The following CFAP210 variants were observed in gnomAD, a reference collection of about 807,000 sequenced individuals.
CFAP210 encodes the protein cilia- and flagella- associated protein 210.
the CFAP210 span, among the ~76,000 whole-genome samples, chr2:169,653,248 A>G: frequency 1.3e-5 from 2 of 151,378 alleles, no homozygotes; most frequent in Non-Finnish European, 2.9e-5. Context: ...TTAAGAAAGC[A>G]AGTTACGTGC....
the CFAP210 span, among the ~76,000 whole-genome samples, chr2:169,692,199 T>A: frequency 1.3e-5 from 2 of 152,154 alleles, no homozygotes; most frequent in Non-Finnish European, 2.9e-5. Flanking sequence ...CTGATCCTTT[T>A]AAGATTTTCG....
At chr2:169,651,084 G>GGGCGTGGTGGCAGGCGCCTGTT in the CFAP210 span, among the ~76,000 whole-genome samples, 1 of 151,654 alleles carries the variant, frequency 6.6e-6, no homozygotes, top group African/African-American at 2.4e-5. Flanking sequence ...AAAATTAGCC[G>GGGCGTGGTGGCAGGCGCCTGTT]GGCGTGGTGG....
chr2:169,659,211 C>G, the CFAP210 span: 1 of 152,210 alleles, frequency 6.6e-6, no homozygotes, highest in Non-Finnish European at 1.5e-5. Flanking sequence ...ACCTTTCATA[C>G]CAAGTTTGGA....
At chr2:169,654,232 A>G in the CFAP210 span, 3 of 1,545,492 alleles carry the variant, frequency 1.9e-6, no homozygotes, top group Middle Eastern at 1.7e-4. Flanking sequence ...GAAAAATTGT[A>G]TATATTAACT....
the CFAP210 span, chr2:169,650,263 G>A: frequency 2.1e-4 from 292 of 1,374,344 alleles, no homozygotes; most frequent in Non-Finnish European, 2.6e-4. Flanking sequence ...CAGATGAGAT[G>A]GAAAACACAG....
the CFAP210 span, among the ~76,000 whole-genome samples, chr2:169,656,308 AGAAGAG>A: frequency 6.6e-6 from 1 of 151,756 alleles, no homozygotes; most frequent in African/African-American, 2.4e-5. Flanking sequence ...AGGAAGAGGA[AGAAGAG>A]GAAGAAGAAG....
chr2:169,681,269 C>T, the CFAP210 span: 25 of 1,461,844 alleles, frequency 1.7e-5, no homozygotes, highest in Admixed American at 9.7e-5. Context: ...TAAAGACTTA[C>T]GGGAACAGTT....
At chr2:169,679,532 T>C in the CFAP210 span, among the ~76,000 whole-genome samples, 1 of 152,044 alleles carries the variant, frequency 6.6e-6, no homozygotes, top group Non-Finnish European at 1.5e-5. Flanking sequence ...ATACAAAAAA[T>C]TAGCCAGGCA....
At chr2:169,660,727 G>A in the CFAP210 span, among the ~76,000 whole-genome samples, 1 of 151,636 alleles carries the variant, frequency 6.6e-6, no homozygotes, top group Non-Finnish European at 1.5e-5. Context: ...TCAGCCTCCT[G>A]AGTAGCTGGG....
chr2:169,658,698 A>ATGTT, the CFAP210 span: 4 of 289,684 alleles, frequency 1.4e-5, no homozygotes, highest in Non-Finnish European at 2.7e-5. Flanking sequence ...TGTCTACAAC[A>ATGTT]GGTGCTTATT....
the CFAP210 span, chr2:169,675,111 TATG>T: frequency 8.8e-5 from 93 of 1,052,276 alleles, no homozygotes; most frequent in African/African-American, 1.3e-3. Flanking sequence ...AACATAATAA[TATG>T]ATAATTTGAG....
the CFAP210 span, among the ~76,000 whole-genome samples, chr2:169,671,214 C>T: frequency 6.6e-6 from 1 of 152,160 alleles, no homozygotes; most frequent in Non-Finnish European, 1.5e-5. Context: ...TTGGAGTTCT[C>T]CAAATCCACC....
At chr2:169,681,419 T>G in the CFAP210 span, 1 of 624,760 alleles carries the variant, frequency 1.6e-6, no homozygotes, top group South Asian at 1.8e-5. Flanking sequence ...TCAGAAGGCA[T>G]ATATTTGAGT....
the CFAP210 span, among the ~76,000 whole-genome samples, chr2:169,672,206 T>C: frequency 6.6e-6 from 1 of 152,202 alleles, no homozygotes; most frequent in Non-Finnish European, 1.5e-5. Flanking sequence ...AATAATAGAT[T>C]TATAATTTCC....
the CFAP210 span, among the ~76,000 whole-genome samples, chr2:169,672,401 A>T: frequency 6.6e-6 from 1 of 152,208 alleles, no homozygotes; most frequent in African/African-American, 2.4e-5. Flanking sequence ...AGCTCACACT[A>T]TTACAAGGCG....
At chr2:169,675,368 G>A in the CFAP210 span, among the ~76,000 whole-genome samples, 1 of 152,172 alleles carries the variant, frequency 6.6e-6, no homozygotes, top group Non-Finnish European at 1.5e-5. Flanking sequence ...TCACAGTTCT[G>A]TAGGCTGTAC....
At chr2:169,648,481 A>G in the CFAP210 span, among the ~76,000 whole-genome samples, 18 of 152,196 alleles carry the variant, frequency 1.2e-4, no homozygotes, top group African/African-American at 4.3e-4. Flanking sequence ...ATAAAAATCA[A>G]TTTTAAAAAA....
chr2:169,651,803 C>G, the CFAP210 span, among the ~76,000 whole-genome samples: 1 of 152,028 alleles, frequency 6.6e-6, no homozygotes, highest in African/African-American at 2.4e-5. Context: ...TCACAATACT[C>G]TGTCTGGAAT....
At chr2:169,692,018 C>G in the CFAP210 span, among the ~76,000 whole-genome samples, 2 of 152,226 alleles carry the variant, frequency 1.3e-5, no homozygotes, top group East Asian at 1.9e-4. Flanking sequence ...ACAACTCCAT[C>G]TTAGCCTCTA....
Sources: gnomAD v4.1 joint callset for allele counts (sites outside exome capture counted in the v4.1 genomes callset) on GRCh38, gnomAD v4.1.1 for gene constraint, MANE v1.5 for transcripts, NCBI Gene and HGNC (gene_info 2026-07-23, HGNC 2026-07-21) for gene names.